The following CLSTN2 variants were observed in gnomAD, a reference collection of about 807,000 sequenced individuals.
The protein encoded by CLSTN2 is calsyntenin-2.
Under a neutral mutation model 101.2 loss-of-function variants are expected in CLSTN2, and 48 were observed. That is an observed-to-expected ratio of 0.47 (90% CI 0.38 to 0.60). The LOEUF is 0.60. Among genes scored for constraint, CLSTN2 ranks in the 20% least tolerant of loss-of-function variants. The probability of loss-of-function intolerance (pLI) is 0.00; values close to 1 mark genes in which losing one functional copy is unlikely to be tolerated. For missense variants in CLSTN2, 1,160 were observed against 1,238.2 expected, an observed-to-expected ratio of 0.94 and a Z score of 0.95; for synonymous variants, 481 against 463.6, an observed-to-expected ratio of 1.04 and a Z score of -0.48.
chr3:140,052,150 C>G (rs566357139), intron 1 of CLSTN2, among the ~76,000 whole-genome samples: 5 of 152,064 alleles, frequency 3.3e-5, no homozygotes, highest in African/African-American at 1.2e-4. Flanking sequence ...CAAAATATTT[C>G]TGTTATTATT....
intron 10 of CLSTN2, among the ~76,000 whole-genome samples, chr3:140,552,926 C>CCTTGGGTTCTACAATTG (rs1490665187): frequency 6.6e-6 from 1 of 152,210 alleles, no homozygotes; most frequent in Non-Finnish European, 1.5e-5. Flanking sequence ...ATTTGTAGAA[C>CCTTGGGTTCTACAATTG]AAGGACCTTG....
intron 8 of CLSTN2, among the ~76,000 whole-genome samples, chr3:140,523,074 TTTCTCAG>T (rs1385103339): frequency 1.3e-5 from 2 of 152,204 alleles, no homozygotes; most frequent in Admixed American, 6.5e-5. Context: ...TTTAGGTTTG[TTTCTCAG>T]TTCAGGATTT....
At chr3:140,027,527 C>T (rs574920440) in intron 1 of CLSTN2, among the ~76,000 whole-genome samples, 34 of 152,244 alleles carry the variant, frequency 2.2e-4, no homozygotes, top group Non-Finnish European at 4.4e-4. Flanking sequence ...TTGGAGAATA[C>T]ATTTCTTTTG....
intron 1 of CLSTN2, among the ~76,000 whole-genome samples, chr3:140,082,061 C>T (rs2008607529): frequency 1.3e-5 from 2 of 152,158 alleles, no homozygotes; most frequent in Admixed American, 1.3e-4. Flanking sequence ...TGCTAAAACA[C>T]CTTAAATGGA....
At chr3:139,936,659 C>T (rs898100102) in intron 1 of CLSTN2, among the ~76,000 whole-genome samples, 2 of 152,162 alleles carry the variant, frequency 1.3e-5, no homozygotes, top group African/African-American at 4.8e-5. Flanking sequence ...AAATGCCTAT[C>T]AGGCTGCATT....
At chr3:140,036,263 C>T (rs186034074) in intron 1 of CLSTN2, among the ~76,000 whole-genome samples, 5,638 of 152,204 alleles carry the variant, frequency 0.037, 333 homozygotes, top group African/African-American at 0.12. Flanking sequence ...ATTCTACTTA[C>T]GTTCTGTATC....
At chr3:139,982,042 G>A (rs1935935126) in intron 1 of CLSTN2, among the ~76,000 whole-genome samples, 1 of 152,134 alleles carries the variant, frequency 6.6e-6, no homozygotes, top group African/African-American at 2.4e-5. Context: ...GTAGACCTGA[G>A]AGATGAGGAG....
In CLSTN2 at chr3:140,189,539, A is replaced by G. The variant is rs183067998; in HGVS notation, c.232+13466A>G. ...TTACATATGCTTATTTTCCACATGT[A>G]TATCCTCTTCCATGAAATGTCTTTT... On this transcript the variant is annotated intron_variant, in intron 2 of 16. Transcript: ENST00000458420. 3.7e-3 allele frequency among the ~76,000 whole-genome samples: 565 copies of G among 152,292 alleles called. 3 individuals carry two copies. The highest frequency in any genetic ancestry group is 5.3e-3 in the Non-Finnish European group (360 of 68,012).
Position 140,043,209 on chromosome 3 carries a change from C to T in CLSTN2, c.109+107726C>T, listed in dbSNP as rs540881817. On this transcript the variant is annotated intron_variant, in intron 1 of 16. Coordinates refer to ENST00000458420, the MANE Select transcript of CLSTN2 (RefSeq NM_022131.3). ...TGTTGTTTCCTGACTTTTTAATGAT[C>T]GCCATTCTAACTGGTGTGAGATGGT... Among the ~76,000 whole-genome samples the T allele has an allele frequency of 1.4e-4, 22 of 152,030 alleles. No homozygotes were observed. The East Asian group carries it at 2.1e-3, about 15-fold the overall frequency.
At chr3:140,050,591 A>G (rs1156608163) in intron 1 of CLSTN2, among the ~76,000 whole-genome samples, 2 of 152,210 alleles carry the variant, frequency 1.3e-5, no homozygotes, top group African/African-American at 4.8e-5. Context: ...GTTGAAGAAC[A>G]GGAGACCAAA....
At chr3:140,014,229 A>G (rs564802668) in intron 1 of CLSTN2, among the ~76,000 whole-genome samples, 1 of 151,844 alleles carries the variant, frequency 6.6e-6, no homozygotes, top group East Asian at 1.9e-4. Context: ...TATTTTATTT[A>G]TCTATTTATT....
chr3:140,168,881 T>C (rs566884328), intron 1 of CLSTN2, among the ~76,000 whole-genome samples: 2 of 152,192 alleles, frequency 1.3e-5, no homozygotes, highest in South Asian at 2.1e-4. Flanking sequence ...TACCACACTA[T>C]CTTGATTAGG....
At chr3:140,458,439 C>T (rs1933470860) in intron 6 of CLSTN2, among the ~76,000 whole-genome samples, 1 of 152,080 alleles carries the variant, frequency 6.6e-6, no homozygotes, top group South Asian at 2.1e-4. Context: ...TCCCGTAGTG[C>T]TTGAGCCCTG....
At chr3:140,091,026 T>A (rs903669001) in intron 1 of CLSTN2, among the ~76,000 whole-genome samples, 2 of 151,900 alleles carry the variant, frequency 1.3e-5, no homozygotes, top group Non-Finnish European at 2.9e-5. Flanking sequence ...TGTGGTGGAG[T>A]GGCCCAGACT....
At chr3:140,143,442 C>T (rs191807866) in intron 1 of CLSTN2, among the ~76,000 whole-genome samples, 1 of 152,310 alleles carries the variant, frequency 6.6e-6, no homozygotes, top group Non-Finnish European at 1.5e-5. Flanking sequence ...TCTTTTCAGG[C>T]TCTCAATGGA....
intron 2 of CLSTN2, among the ~76,000 whole-genome samples, chr3:140,194,963 T>A (rs1462082199): frequency 6.6e-6 from 1 of 152,238 alleles, no homozygotes; most frequent in Non-Finnish European, 1.5e-5. Flanking sequence ...TCATGTAGTC[T>A]ATAGGAGGTT....
chr3:140,423,984 G>A (rs1360387284), intron 5 of CLSTN2, among the ~76,000 whole-genome samples: 6 of 152,188 alleles, frequency 3.9e-5, no homozygotes, highest in Admixed American at 6.5e-5. Context: ...CTCTCATGGC[G>A]ACTGGCCAAG....
chr3:140,424,874 G>A (rs1281498777), intron 5 of CLSTN2, among the ~76,000 whole-genome samples: 1 of 152,122 alleles, frequency 6.6e-6, no homozygotes, highest in Non-Finnish European at 1.5e-5. Context: ...GGAGGGGCCT[G>A]TGGTAGGGGA....
chr3:140,279,667 C>A (rs926708154), intron 2 of CLSTN2, among the ~76,000 whole-genome samples: 1 of 152,106 alleles, frequency 6.6e-6, no homozygotes, highest in Admixed American at 6.6e-5. Context: ...GTGGATGAGC[C>A]CCTCAAGGTC....
Sources: allele counts gnomAD v4.1 joint callset (sites outside exome capture counted in the v4.1 genomes callset), GRCh38; gene constraint gnomAD v4.1.1; transcripts MANE v1.5; gene names NCBI Gene and HGNC (gene_info 2026-07-23, HGNC 2026-07-21).